Variants in ATP1B1 observed in about 807,000 individuals in gnomAD.
The protein encoded by ATP1B1 is sodium/potassium-transporting ATPase subunit beta-1.
A neutral mutation model predicts 39.6 loss-of-function variants in ATP1B1; 3 were observed. The ratio of observed to expected loss-of-function variants is 0.08; its 90% CI spans 0.03 to 0.20. The LOEUF (loss-of-function observed/expected upper bound fraction) is 0.20. ATP1B1 is among the 10% of genes least tolerant of loss of function. The probability of loss-of-function intolerance (pLI) is 1.00; values close to 1 mark genes in which losing one functional copy is unlikely to be tolerated. For missense variants in ATP1B1, 216 were observed against 371.1 expected (o/e 0.58, Z 3.43); for synonymous variants, 139 against 135.0 (o/e 1.03, Z -0.20).
At position 169,109,009 on chromosome 1, in the gene ATP1B1, C is replaced by T. The variant is rs114065406; in HGVS notation, c.97+2083C>T. ...GGGCCCAACATGGATGCCCTTGGGG[C>T]GAGGGCAGGATGCCCTTGGCTCGAT... On this transcript the variant is annotated intron_variant, in intron 1 of 5. Coordinates refer to ENST00000367815, the MANE Select transcript of ATP1B1 (RefSeq NM_001677.4). Among the ~76,000 whole-genome samples, 1,103 of 152,294 alleles carry T rather than the reference C, an allele frequency of 7.2e-3. 8 individuals carry two copies. Among genetic ancestry groups the T allele is most frequent in the African/African-American group, 0.025 (1,048 of 41,554 alleles).
At chr1:169,110,596 G>C in intron 1 of ATP1B1, 2 of 730,724 alleles carry the variant, frequency 2.7e-6, no homozygotes, top group South Asian at 2.6e-5. Context: ...TGCTTTTGCA[G>C]CTATTTCAGC....
rs367620059 is a variant in ATP1B1, at chr1:169,107,641, G to C, written c.97+715G>C. Among the ~76,000 whole-genome samples, 11 of 152,252 alleles carry C rather than the reference G, an allele frequency of 7.2e-5. 2 individuals carry two copies. The highest frequency in any genetic ancestry group is 6.5e-5 in the Admixed American group (1 of 15,302). On this transcript the variant is annotated intron_variant, in intron 1 of 5. Coordinates refer to ENST00000367815, the MANE Select transcript of ATP1B1 (RefSeq NM_001677.4). ...TAGGTTGGGTTGATTATGGTGAAGG[G>C]AATATAAACGCAGAGCAGCTGATCT...
At position 169,131,452 on chromosome 1, in the gene ATP1B1, C is replaced by G. The variant is rs1206005431; in HGVS notation, c.809C>G (p.Thr270Ser). Residue 270 changes from threonine (T) to serine (S), a missense_variant, in exon 6 of 6, where the codon ACT (threonine) becomes AGT (serine). By Grantham distance (58) the Thr-to-Ser change is moderately conservative (BLOSUM62 1). Coordinates refer to ENST00000367815, the MANE Select transcript of ATP1B1 (RefSeq NM_001677.4). This position sits in a 1 kb window ranked among gnomAD's most constrained non-coding sequence, Gnocchi z 4.4. Reference protein sequence around the residue: ...AVQFTNLTMDTEIRIECKAYG... With the variant: ...AVQFTNLTMDSEIRIECKAYG... The stretch of plus-strand genomic sequence containing the variant: ...CAGTTCACCAATCTTACCATGGACA[C>G]TGAAATTCGCATAGAGTGTAAGGCG... 6.2e-7 allele frequency: 1 copy of G among 1,614,024 alleles called. No homozygotes were observed. Among genetic ancestry groups the G allele is most frequent in the African/African-American group, 1.3e-5 (1 of 74,882 alleles).
At chr1:169,111,794 G>A (rs1053458516) in intron 2 of ATP1B1, among the ~76,000 whole-genome samples, 3 of 152,092 alleles carry the variant, frequency 2.0e-5, no homozygotes, top group African/African-American at 7.2e-5. Flanking sequence ...GAGTTCTGAT[G>A]GGGGCCTCTG....
At chr1:169,129,914 C>A (rs1474916471) in intron 4 of ATP1B1, 96 bp from the exon 5 acceptor site, 2 of 1,137,870 alleles carry the variant, frequency 1.8e-6, no homozygotes, top group Non-Finnish European at 2.5e-6. Flanking sequence ...CTTACTGTGA[C>A]CAGTGTGTAC....
At chr1:169,129,148 CAG>C (rs1399864389) in intron 4 of ATP1B1, among the ~76,000 whole-genome samples, 1 of 152,174 alleles carries the variant, frequency 6.6e-6, no homozygotes, top group East Asian at 1.9e-4. Flanking sequence ...GCATCCAAAA[CAG>C]AGTAGTAGCA....
intron 1 of ATP1B1, among the ~76,000 whole-genome samples, chr1:169,108,528 T>C (rs957434223): frequency 6.6e-6 from 1 of 152,184 alleles, no homozygotes; most frequent in Non-Finnish European, 1.5e-5. Context: ...AGGGGCTGCA[T>C]TGACTCTAGG....
At chr1:169,111,167 A>G (rs1303484212) in intron 1 of ATP1B1, among the ~76,000 whole-genome samples, 1 of 152,144 alleles carries the variant, frequency 6.6e-6, no homozygotes, top group Non-Finnish European at 1.5e-5. Context: ...ACCACCTCCC[A>G]TACACACTGC....
chr1:169,126,674 G>A (rs1034139976), intron 3 of ATP1B1, among the ~76,000 whole-genome samples: 1 of 152,038 alleles, frequency 6.6e-6, no homozygotes, highest in Admixed American at 6.5e-5. Flanking sequence ...TCATGCTGCC[G>A]CACTCCAACC....
intron 3 of ATP1B1, 127 bp from the exon 4 acceptor site, chr1:169,127,097 A>G: frequency 1.0e-6 from 1 of 976,548 alleles, no homozygotes; most frequent in Non-Finnish European, 1.4e-6. Flanking sequence ...CTTAATTCAG[A>G]TCATGCATTA....
In ATP1B1 at chr1:169,125,054, T is replaced by A; in HGVS notation, c.382+15T>A. 1 of 1,585,204 alleles carries A rather than the reference T, an allele frequency of 6.3e-7. No homozygotes were observed. The highest frequency in any genetic ancestry group is 1.2e-5 in the South Asian group (1 of 86,400). ...AGATTGTGGCGGTAAGTAGACTCAT[T>A]GTAGATGTCTGTGGCTAGTTTTCTT... is the stretch of plus-strand genomic sequence containing the variant. On this transcript the variant is annotated intron_variant, in intron 3 of 5. Transcript: ENST00000367815.
At chr1:169,111,570 T>C in intron 2 of ATP1B1, 72 bp downstream of exon 2, 1 of 1,561,260 alleles carries the variant, frequency 6.4e-7, no homozygotes, top group South Asian at 1.2e-5. Flanking sequence ...TGAGAAAAAA[T>C]TCTTTGGAAA....
At chr1:169,110,605 G>C (rs1458380579) in intron 1 of ATP1B1, 1 of 835,258 alleles carries the variant, frequency 1.2e-6, no homozygotes, top group Admixed American at 4.6e-5. Context: ...AGCTATTTCA[G>C]CCTCCATCCT....
At chr1:169,124,367 G>T (rs1045720067) in intron 2 of ATP1B1, among the ~76,000 whole-genome samples, 23 of 152,194 alleles carry the variant, frequency 1.5e-4, no homozygotes, top group Non-Finnish European at 2.8e-4. Context: ...TGAGTCTAGA[G>T]AATTTGGAAT....
chr1:169,125,039 G>A lies in ATP1B1; in HGVS notation c.382G>A (p.Asp128Asn), dbSNP rs769851426. 68 of 1,608,322 alleles carry A rather than the reference G, an allele frequency of 4.2e-5. No individual in the cohort carries two copies. The Admixed American group carries it at 6.6e-4, about 16-fold the overall frequency. The change falls in exon 3 of 6, where the codon GAT becomes AAT. Residue 128 changes from aspartate to asparagine, a missense_variant and splice_region_variant. By Grantham distance (23) the Asp-to-Asn change is conservative (BLOSUM62 1). Transcript: ENST00000367815. ...TGACATGATTTTTGAAGATTGTGGC[G>A]GTAAGTAGACTCATTGTAGATGTCT... is the stretch of plus-strand genomic sequence containing the variant. The part of the protein sequence containing the change: ...RDDMIFEDCG[D>N]VPSEPKERGD...
chr1:169,117,456 G>A (rs1019356243), intron 2 of ATP1B1, among the ~76,000 whole-genome samples: 2 of 152,128 alleles, frequency 1.3e-5, no homozygotes, highest in Non-Finnish European at 2.9e-5. Context: ...ACTTTAAAAT[G>A]TTCTTGGAGC....
intron 2 of ATP1B1, among the ~76,000 whole-genome samples, chr1:169,117,106 C>G (rs778459340): frequency 3.9e-5 from 6 of 152,124 alleles, no homozygotes; most frequent in Non-Finnish European, 8.8e-5. Context: ...TGCAAAGTGC[C>G]AGTAAGGTGT....
chr1:169,106,840 G>T lies in ATP1B1; in HGVS notation c.11G>T (p.Gly4Val), dbSNP rs780987273. The T allele has an allele frequency of 6.3e-7, 1 of 1,579,498 alleles. No homozygotes were observed. MAR[G>V]KAKEEGSWKK... Reference sequence around the variant, plus strand: ...TGACCCGCCATCGCCATGGCCCGCGGGAAAGCCAAGGAGGAGGGCAGCTGG... The same window carrying T: ...TGACCCGCCATCGCCATGGCCCGCGTGAAAGCCAAGGAGGAGGGCAGCTGG... Residue 4 changes from glycine to valine, a missense_variant, in exon 1 of 6, where the codon GGG becomes GTG. By Grantham distance (109) the Gly-to-Val change is moderately radical. Coordinates refer to ENST00000367815, the MANE Select transcript of ATP1B1 (RefSeq NM_001677.4).
chr1:169,129,875 G>C, intron 4 of ATP1B1, 135 bp from the exon 5 acceptor site: 1 of 728,618 alleles, frequency 1.4e-6, no homozygotes, highest in South Asian at 2.2e-5. Flanking sequence ...TCATTCTGCT[G>C]TCCTGATGTC....
Sources: gnomAD v4.1 joint callset for allele counts (sites outside exome capture counted in the v4.1 genomes callset) on GRCh38, gnomAD v4.1.1 for gene constraint, Gnocchi (gnomAD v3.1) non-coding constraint, MANE v1.5 for transcripts, NCBI Gene and HGNC (gene_info 2026-07-23, HGNC 2026-07-21) for gene names.